The following XYLB variants were observed in gnomAD, a reference collection of about 807,000 sequenced individuals.
XYLB encodes the protein xylulokinase, also known as xylulose kinase.
Under a neutral mutation model 78.7 loss-of-function variants are expected in XYLB, and 62 were observed. The ratio of observed to expected loss-of-function variants is 0.79; its 90% CI spans 0.64 to 0.97. The LOEUF (loss-of-function observed/expected upper bound fraction) is 0.97. Among genes scored for constraint, XYLB ranks in the 50% least tolerant of loss-of-function variants. XYLB has a pLI of 0.00. For missense variants in XYLB, 687 were observed against 676.8 expected (o/e 1.02, Z -0.17); for synonymous variants, 245 against 247.4 (o/e 0.99, Z 0.09).
At chr3:38,374,284 C>T (rs1258807854) in intron 10 of XYLB, among the ~76,000 whole-genome samples, 178 bp from the exon 11 acceptor site, 6 of 152,150 alleles carry the variant, frequency 3.9e-5, no homozygotes, top group Admixed American at 1.3e-4. Context: ...CCCGTGACCC[C>T]TATGACCTTC....
chr3:38,374,589 C>G, intron 11 of XYLB, 87 bp downstream of exon 11: 1 of 1,573,168 alleles, frequency 6.4e-7, no homozygotes, highest in Non-Finnish European at 8.7e-7. Flanking sequence ...CTGCTGAGAC[C>G]CAGATCCCAG....
intron 18 of XYLB, among the ~76,000 whole-genome samples, chr3:38,405,446 C>G (rs1007156568): frequency 6.6e-6 from 1 of 151,486 alleles, no homozygotes; most frequent in Non-Finnish European, 1.5e-5. Context: ...CAGCTCCCAG[C>G]ATGAGCAACG....
intron 15 of XYLB, among the ~76,000 whole-genome samples, chr3:38,391,860 A>G (rs922672302): frequency 2.6e-5 from 4 of 152,202 alleles, no homozygotes; most frequent in African/African-American, 9.7e-5. Flanking sequence ...TATCCAACCC[A>G]AAATAAGCAG....
At chr3:38,373,289 A>G (rs903919275) in intron 10 of XYLB, among the ~76,000 whole-genome samples, 2 of 152,066 alleles carry the variant, frequency 1.3e-5, no homozygotes, top group Admixed American at 6.5e-5. Context: ...GGTGGGCTAC[A>G]CTGAATAACA....
At chr3:38,406,479 C>T (rs1325962405) in intron 18 of XYLB, among the ~76,000 whole-genome samples, 1 of 152,234 alleles carries the variant, frequency 6.6e-6, no homozygotes, top group Non-Finnish European at 1.5e-5. Context: ...AGCAGAGCGC[C>T]TCTCCTCCTC....
At chr3:38,363,249 A>G (rs1256204783) in intron 4 of XYLB, among the ~76,000 whole-genome samples, 1 of 152,242 alleles carries the variant, frequency 6.6e-6, no homozygotes, top group Non-Finnish European at 1.5e-5. Context: ...TATATAAAAT[A>G]GGACGCTTGG....
intron 2 of XYLB, among the ~76,000 whole-genome samples, chr3:38,357,957 G>A (rs1705754019): frequency 6.6e-6 from 1 of 151,304 alleles, no homozygotes; most frequent in African/African-American, 2.4e-5. Context: ...TTAGATATGT[G>A]ATCTCAAAAT....
chr3:38,439,488 C>T, the XYLB span, among the ~76,000 whole-genome samples: 1,070 of 152,302 alleles, frequency 7.0e-3, 8 homozygotes, highest in African/African-American at 0.025. Flanking sequence ...GGCGGCCAGA[C>T]GCAGTGGCTC....
At chr3:38,409,247 A>G (rs951768728) in intron 18 of XYLB, among the ~76,000 whole-genome samples, 13 of 152,244 alleles carry the variant, frequency 8.5e-5, no homozygotes, top group Admixed American at 7.9e-4. Flanking sequence ...CAAATCAATA[A>G]ATGTAATCCA....
At position 38,346,849 on chromosome 3, in the gene XYLB, G is replaced by A. The variant is rs1315192090; in HGVS notation, c.-20G>A. Reference sequence around the variant, plus strand: ...GGCGGACGGACGGACTGACGGACGCGCAGCCTTACCCGAAAGGCCATGGCG... The same window carrying A: ...GGCGGACGGACGGACTGACGGACGCACAGCCTTACCCGAAAGGCCATGGCG... On this transcript the variant is annotated 5_prime_UTR_variant, in exon 1 of 19. Coordinates refer to ENST00000207870, the MANE Select transcript of XYLB (RefSeq NM_005108.4). The A allele has an allele frequency of 4.7e-6, 7 of 1,502,070 alleles. No homozygotes were observed. Among genetic ancestry groups the A allele is most frequent in the East Asian group, 5.7e-5 (2 of 35,226 alleles). The allele number at this position is 1,502,070 out of a possible 1,614,324, so 93.0% of individuals were successfully genotyped here. A position where few individuals can be genotyped will look rare whatever the true frequency, so the allele number is the denominator to read the frequency against.
chr3:38,412,091 A>G (rs1267972048), intron 18 of XYLB, among the ~76,000 whole-genome samples: 1 of 151,688 alleles, frequency 6.6e-6, no homozygotes, highest in African/African-American at 2.4e-5. Flanking sequence ...CCCAGGTTCA[A>G]GTGATTCTCC....
At chr3:38,438,617 C>T in the XYLB span, among the ~76,000 whole-genome samples, 1 of 152,140 alleles carries the variant, frequency 6.6e-6, no homozygotes, top group Non-Finnish European at 1.5e-5. Context: ...AGCTGCGGAC[C>T]TTTGTGGTGA....
At chr3:38,373,752 C>G (rs1407475796) in intron 10 of XYLB, among the ~76,000 whole-genome samples, 1 of 152,228 alleles carries the variant, frequency 6.6e-6, no homozygotes, top group Non-Finnish European at 1.5e-5. Flanking sequence ...TCCTCACTCC[C>G]ATTTCACCTT....
chr3:38,405,720 C>T (rs1575536527), intron 18 of XYLB, among the ~76,000 whole-genome samples: 1 of 152,244 alleles, frequency 6.6e-6, no homozygotes, highest in South Asian at 2.1e-4. Context: ...AAACGGCGCA[C>T]CAGGAGATTA....
At position 38,414,032 on chromosome 3, in the gene XYLB, A is replaced by C. The variant is rs575772229; in HGVS notation, c.*1019A>C. ...CTCCTGTTTTACTTTATACCTCTCT[A>C]TTCCTTGCTCAAATTATTGCAAAAG... On this transcript the variant is annotated 3_prime_UTR_variant, in exon 19 of 19. Transcript: ENST00000207870. 1.2e-4 allele frequency: 18 copies of C among 152,026 alleles called. No homozygotes were observed. The highest frequency in any genetic ancestry group is 4.3e-4 in the African/African-American group (18 of 41,432). 9.4% of individuals were successfully genotyped at this position (152,026 alleles called of 1,614,324 possible).
At chr3:38,394,458 A>G (rs564949228) in intron 15 of XYLB, among the ~76,000 whole-genome samples, 2 of 152,174 alleles carry the variant, frequency 1.3e-5, no homozygotes, top group Admixed American at 6.5e-5. Context: ...TAGATGGACT[A>G]TTGTCTGCAA....
chr3:38,370,056 G>T lies in XYLB; in HGVS notation c.647G>T (p.Gly216Val). The T allele has an allele frequency of 6.2e-7, 1 of 1,613,558 alleles. No homozygotes were observed. The highest frequency in any genetic ancestry group is 2.2e-5 in the East Asian group (1 of 44,890). Residue 216 changes from glycine (G) to valine (V), a missense_variant and splice_region_variant, in exon 9 of 19, where the codon GGT becomes GTT. Physicochemically the swap from Gly to Val is moderately radical, Grantham distance 109. Transcript: ENST00000207870. The part of the protein sequence containing the change: ...GSYSPIDYSD[G>V]SGMNLLQIQD... ...GTTGTTTGTTTCCTTCCTTCCTCAGGTTCTGGAATGAATTTGTTGCAGATA... is the reference window on the plus strand; with the variant it reads ...GTTGTTTGTTTCCTTCCTTCCTCAGTTTCTGGAATGAATTTGTTGCAGATA...
At chr3:38,419,603 T>TATATATATATATATAA (rs71085322), downstream of XYLB, among the ~76,000 whole-genome samples, 192 of 80,816 alleles carry the variant, frequency 2.4e-3, 19 homozygotes, top group South Asian at 5.7e-3. Flanking sequence ...TATATATATA[T>TATATATATATATATAA]AATAGCCATC....
chr3:38,443,984 C>T, the XYLB span, among the ~76,000 whole-genome samples: 24 of 152,284 alleles, frequency 1.6e-4, no homozygotes, highest in Non-Finnish European at 2.5e-4. Flanking sequence ...GCTTGCTGAC[C>T]GGTAGGGAAT....
Sources: allele counts gnomAD v4.1 joint callset (sites outside exome capture counted in the v4.1 genomes callset), GRCh38; gene constraint gnomAD v4.1.1; transcripts MANE v1.5; gene names NCBI Gene and HGNC (gene_info 2026-07-23, HGNC 2026-07-21).